EFHC2: variants seen among roughly 807,000 people sequenced by gnomAD.
EFHC2 encodes the protein EF-hand domain containing 2.
A neutral mutation model predicts 52.7 loss-of-function variants in EFHC2; 18 were observed. That is an observed-to-expected ratio of 0.34 (90% confidence interval 0.24 to 0.51). The LOEUF is 0.51. Ranked by LOEUF, EFHC2 falls within the 20% of genes least tolerant of loss-of-function variation. The probability of loss-of-function intolerance (pLI) is 0.97; values close to 1 mark genes in which losing one functional copy is unlikely to be tolerated. For missense variants in EFHC2, 513 were observed against 562.5 expected, an observed-to-expected ratio of 0.91 and a Z score of 0.89; for synonymous variants, 203 against 204.1, an observed-to-expected ratio of 0.99 and a Z score of 0.04.
At chrX:44,334,112 G>C (rs1177968348) in intron 1 of EFHC2, among the ~76,000 whole-genome samples, 1 of 112,056 alleles carries the variant, frequency 8.9e-6, no homozygotes, top group East Asian at 2.8e-4. Context: ...CTGTTAGTCA[G>C]GTATTCTGTG....
chrX:44,223,435 C>G lies in EFHC2; in HGVS notation c.1751+6214G>C, dbSNP rs1384523398. On this transcript the variant is annotated intron_variant, in intron 11 of 14. Coordinates refer to ENST00000420999, the MANE Select transcript of EFHC2 (RefSeq NM_025184.4). The stretch of plus-strand genomic sequence containing the variant: ...TGTTTTGGGCACTGTTCCTATAGTT[C>G]AGCCTTGAGCTTGTTTCTCCAGCCC... Among the ~76,000 whole-genome samples, 5 of 111,784 alleles carry G rather than the reference C, an allele frequency of 4.5e-5. No homozygotes were observed. In the Admixed American group the frequency reaches 4.7e-4, roughly 11 times the overall value.
chrX:44,343,045 A>T (rs2038161961), intron 1 of EFHC2, among the ~76,000 whole-genome samples: 1 of 110,488 alleles, frequency 9.1e-6, no homozygotes, highest in Non-Finnish European at 1.9e-5. Flanking sequence ...TCAATTTGAT[A>T]ATTGAAACGG....
chrX:44,272,589 A>T, intron 3 of EFHC2, 97 bp downstream of exon 3: 1 of 921,216 alleles, frequency 1.1e-6, no homozygotes, highest in Non-Finnish European at 1.5e-6. Flanking sequence ...AGACAGCCTA[A>T]ACAGTAGCAT....
At position 44,173,478 on chromosome X, in the gene EFHC2, C is replaced by T. The variant is rs776956430; in HGVS notation, c.2042+2814G>A. Among the ~76,000 whole-genome samples the T allele has an allele frequency of 6.3e-4, 70 of 111,702 alleles. 1 individual carries two copies. The highest frequency in any genetic ancestry group is 1.2e-3 in the Non-Finnish European group (65 of 53,178). On this transcript the variant is annotated intron_variant, in intron 13 of 14. Coordinates refer to ENST00000420999, the MANE Select transcript of EFHC2 (RefSeq NM_025184.4). ...CTGATGGGCCCATTAGGAATTAGGGCAGTCTTTGAAAGGAATCTGCAGAGA... is the reference window on the plus strand; with the variant it reads ...CTGATGGGCCCATTAGGAATTAGGGTAGTCTTTGAAAGGAATCTGCAGAGA...
At chrX:44,238,613 G>A (rs949271103) in intron 8 of EFHC2, among the ~76,000 whole-genome samples, 2 of 110,475 alleles carry the variant, frequency 1.8e-5, no homozygotes, top group Admixed American at 9.7e-5. Context: ...CATCCATGTC[G>A]GCCTCCCGGA....
intron 12 of EFHC2, 112 bp downstream of exon 12, chrX:44,178,255 T>C (rs2036805485): frequency 1.4e-6 from 1 of 691,216 alleles, no homozygotes; most frequent in Non-Finnish European, 2.1e-6. Flanking sequence ...AGAGTATGAG[T>C]ATGATGACAC....
intron 1 of EFHC2, among the ~76,000 whole-genome samples, chrX:44,328,702 ACTTTAGCCTCTGATTGGTTG>A (rs1034910650): frequency 7.2e-5 from 8 of 111,589 alleles, no homozygotes; most frequent in African/African-American, 2.6e-4. Flanking sequence ...ATGTAACTTC[ACTTTAGCCTCTGATTGGTTG>A]CTTTCCACAA....
At chrX:44,197,729 G>T (rs970383491) in intron 11 of EFHC2, among the ~76,000 whole-genome samples, 2 of 112,613 alleles carry the variant, frequency 1.8e-5, no homozygotes, top group African/African-American at 6.5e-5. Flanking sequence ...TATGTGGCAC[G>T]CCTTCCATAC....
intron 2 of EFHC2, among the ~76,000 whole-genome samples, chrX:44,292,975 C>CTT (rs370747140): frequency 3.2e-4 from 30 of 94,213 alleles, no homozygotes; most frequent in African/African-American, 1.1e-3. Flanking sequence ...TCCTTTCTTT[C>CTT]TTTTTTTTTT....
At chrX:44,181,452 C>A (rs2066691040) in intron 11 of EFHC2, among the ~76,000 whole-genome samples, 1 of 111,161 alleles carries the variant, frequency 9.0e-6, no homozygotes, top group Non-Finnish European at 1.9e-5. Context: ...ACATGTGGAG[C>A]AATAACTAGA....
At chrX:44,324,976 T>C (rs1361594610) in intron 1 of EFHC2, among the ~76,000 whole-genome samples, 4 of 112,271 alleles carry the variant, frequency 3.6e-5, no homozygotes, top group Admixed American at 9.4e-5. Context: ...GGCTTGTGAG[T>C]TGTGAATTCA....
rs1328072882 is a variant in EFHC2, at chrX:44,232,667, A to G, written c.1434T>C (p.Gly478=). 5.9e-6 allele frequency: 7 copies of G among 1,191,424 alleles called. No homozygotes were observed. The highest frequency in any genetic ancestry group is 6.8e-6 in the Non-Finnish European group (6 of 885,078). The change falls in exon 10 of 15, where the codon GGT becomes GGC. Residue 478 remains glycine, a synonymous_variant. Transcript: ENST00000420999. ...CGCGACTTCTTTTCAAGAACATCCC[A>G]CCAGCAATTCCTATAAAAAATAGAA... ...EPIERNSGIA[G]GMFLKRSRVK...
At chrX:44,248,127 G>A in intron 7 of EFHC2, 145 bp downstream of exon 7, 1 of 502,242 alleles carries the variant, frequency 2.0e-6, no homozygotes, top group Non-Finnish European at 3.1e-6. Flanking sequence ...GAATATATAA[G>A]ACAACAAACG....
chrX:44,309,401 G>T, intron 2 of EFHC2: 1 of 963,861 alleles, frequency 1.0e-6, no homozygotes, highest in Non-Finnish European at 1.5e-6. Flanking sequence ...TCCTCTCAAA[G>T]AAGTTAGTCT....
At chrX:44,326,874 G>A (rs1236104080) in intron 1 of EFHC2, among the ~76,000 whole-genome samples, 1 of 107,868 alleles carries the variant, frequency 9.3e-6, no homozygotes, top group Non-Finnish European at 1.9e-5. Flanking sequence ...GACTACAGGC[G>A]CATGCCACCA....
At chrX:44,152,324 A>G (rs986046419) in intron 14 of EFHC2, among the ~76,000 whole-genome samples, 1 of 111,723 alleles carries the variant, frequency 9.0e-6, no homozygotes, top group African/African-American at 3.3e-5. Flanking sequence ...TCAAACCTCC[A>G]GTCAGTGGAG....
chrX:44,287,027 A>T (rs1339767947), intron 2 of EFHC2, among the ~76,000 whole-genome samples: 2 of 56,403 alleles, frequency 3.5e-5, no homozygotes, highest in Non-Finnish European at 5.9e-5. Flanking sequence ...TCCCATCTCT[A>T]AAAAAAAAAA....
At chrX:44,336,531 T>C (rs1034026725) in intron 1 of EFHC2, among the ~76,000 whole-genome samples, 7 of 111,732 alleles carry the variant, frequency 6.3e-5, no homozygotes, top group African/African-American at 2.3e-4. Flanking sequence ...GAATGCAAAA[T>C]GGTAATTTCT....
intron 11 of EFHC2, 124 bp from the exon 12 acceptor site, chrX:44,178,688 G>T: frequency 1.9e-6 from 1 of 527,790 alleles, no homozygotes; most frequent in Non-Finnish European, 2.8e-6. Context: ...CAGAGGTCAT[G>T]TGATTTTTTT....
Sources: gnomAD v4.1 joint callset for allele counts (sites outside exome capture counted in the v4.1 genomes callset) on GRCh38, gnomAD v4.1.1 for gene constraint, MANE v1.5 for transcripts, NCBI Gene and HGNC (gene_info 2026-07-23, HGNC 2026-07-21) for gene names.